Variants in GGA1 observed in about 807,000 individuals in gnomAD.
GGA1 encodes the protein golgi associated, gamma adaptin ear containing, ARF binding protein 1.
Under a neutral mutation model 76.9 loss-of-function variants are expected in GGA1, and 18 were observed. That is an observed-to-expected ratio of 0.23 (90% CI 0.16 to 0.35). The LOEUF is 0.35. Among genes scored for constraint, GGA1 ranks in the 10% least tolerant of loss-of-function variants. The probability of loss-of-function intolerance (pLI) is 1.00; values close to 1 mark genes in which losing one functional copy is unlikely to be tolerated. For synonymous variants in GGA1, 342 were observed against 354.7 expected, an observed-to-expected ratio of 0.96 and a Z score of 0.40; for missense variants, 755 against 859.0, an observed-to-expected ratio of 0.88 and a Z score of 1.51.
In GGA1 at chr22:37,624,993, A is replaced by C; in HGVS notation, c.857A>C (p.Asn286Thr). 1 of 1,595,330 alleles carries C rather than the reference A, an allele frequency of 6.3e-7. No homozygotes were observed. Among genetic ancestry groups the C allele is most frequent in the South Asian group, 1.1e-5 (1 of 88,124 alleles). ...ALAEILQAND[N>T]LTQVINLYKQ... ...GCGGAGATCCTGCAGGCCAATGACA[A>C]CCTCACCCAGGTGATCAACCTGTAT... Residue 286 changes from asparagine (N) to threonine (T), a missense_variant, in exon 10 of 17, where the codon AAC becomes ACC. Asn to Thr is a moderately conservative substitution (Grantham distance 65). Transcript: ENST00000343632. This position sits in a 1 kb window ranked among gnomAD's most constrained non-coding sequence, Gnocchi z 4.3.
chr22:37,632,748 C>A lies in GGA1; in HGVS notation c.*37C>A. On this transcript the variant is annotated 3_prime_UTR_variant, in exon 17 of 17. Coordinates refer to ENST00000343632, the MANE Select transcript of GGA1 (RefSeq NM_013365.5). This position sits in a 1 kb window ranked among gnomAD's most constrained non-coding sequence, Gnocchi z 5.1. The stretch of plus-strand genomic sequence containing the variant: ...TGGGGAGAGGAAGGGGCAGAGGGAC[C>A]GGTCACTGTCCAGCCTGGAGGGAGG... The A allele has an allele frequency of 8.1e-7, 1 of 1,231,966 alleles. No individual in the cohort carries two copies. The highest frequency in any genetic ancestry group is 1.2e-6 in the Non-Finnish European group (1 of 851,322). The allele number at this position is 1,231,966 out of a possible 1,614,324, so 76.3% of individuals were successfully genotyped here.
rs1213978444 is a variant in GGA1, at chr22:37,633,428, CTTCA to C, written c.*724_*727del. 6.6e-6 allele frequency: 1 copy of C among 151,996 alleles called. No individual in the cohort carries two copies. Among genetic ancestry groups the C allele is most frequent in the Non-Finnish European group, 1.5e-5 (1 of 68,002 alleles). The allele number at this position is 151,996 out of a possible 1,614,324, so 9.4% of individuals were successfully genotyped here. A position where few individuals can be genotyped will look rare whatever the true frequency, so the allele number is the denominator to read the frequency against. ...GCACCTAGAGTTCTCGGTGTGTCTCCTTCATTCATTGGCCTCTGCTGGGGCCTCC... is the reference window on the plus strand; with the variant it reads ...GCACCTAGAGTTCTCGGTGTGTCTCCTTCATTGGCCTCTGCTGGGGCCTCC... On this transcript the variant is annotated 3_prime_UTR_variant, in exon 17 of 17. Transcript: ENST00000343632.
At chr22:37,629,760 AT>A (rs1188639884) in intron 12 of GGA1, among the ~76,000 whole-genome samples, 1 of 152,142 alleles carries the variant, frequency 6.6e-6, no homozygotes, top group Admixed American at 6.5e-5. Flanking sequence ...TGGGATTGGG[AT>A]TGAGATGGGC....
intron 11 of GGA1, among the ~76,000 whole-genome samples, chr22:37,628,141 A>C (rs1931177413): frequency 6.6e-6 from 1 of 152,090 alleles, no homozygotes. Context: ...TTTGGTTTTG[A>C]GATGGGGGTC....
Position 37,621,675 on chromosome 22 carries a change from C to T in GGA1, c.588C>T (p.Leu196=), listed in dbSNP as rs138483740. ...AAGACCTCCGCGCAGCCAATAAGCT[C>T]ATCAAAGAGATGGTGCAGGAGGTAG... ...HPEDLRAANK[L]IKEMVQEDQK... is the part of the protein sequence containing the mutation. Residue 196 remains leucine, a synonymous_variant, in exon 7 of 17, where the codon CTC becomes CTT. Transcript: ENST00000343632. 6.1e-3 allele frequency: 9,426 copies of T among 1,556,112 alleles called. 43 individuals are homozygous for T. Among genetic ancestry groups the T allele is most frequent in the Non-Finnish European group, 6.4e-3 (7,307 of 1,149,128 alleles).
chr22:37,617,332 C>T, intron 3 of GGA1: 1 of 1,223,272 alleles, frequency 8.2e-7, no homozygotes. Flanking sequence ...CTGCCGAGGC[C>T]ACACTCCTGG....
At position 37,623,738 on chromosome 22, in the gene GGA1, C is replaced by T. The variant is rs372085874; in HGVS notation, c.832+105C>T. The stretch of plus-strand genomic sequence containing the variant: ...AGTATCTGCAGTTGGAAGGAGCCAC[C>T]ACCAGGGGGCCCCCTTCTCCAGCAC... On this transcript the variant is annotated intron_variant, in intron 9 of 16. Transcript: ENST00000343632. This position sits in a 1 kb window ranked among gnomAD's most constrained non-coding sequence, Gnocchi z 4.6. 20 of 832,090 alleles carry T rather than the reference C, an allele frequency of 2.4e-5. No individual in the cohort carries two copies. Among genetic ancestry groups the T allele is most frequent in the Admixed American group, 1.1e-4 (5 of 43,962 alleles). 51.5% of individuals were successfully genotyped at this position (832,090 alleles called of 1,614,324 possible).
intron 1 of GGA1, chr22:37,613,022 A>G (rs1928027093): frequency 4.1e-6 from 4 of 985,308 alleles, no homozygotes; most frequent in Non-Finnish European, 4.8e-6. Context: ...TCATTTGCCA[A>G]GGGGAGACAG....
chr22:37,619,184 A>C (rs886115041), intron 4 of GGA1, among the ~76,000 whole-genome samples: 1 of 145,228 alleles, frequency 6.9e-6, no homozygotes, highest in South Asian at 2.2e-4. Context: ...TCCTGCCTCA[A>C]CCTCCCAAGT....
chr22:37,622,023 T>C (rs116220421), intron 7 of GGA1, among the ~76,000 whole-genome samples: 5,463 of 151,308 alleles, frequency 0.036, 322 homozygotes, highest in African/African-American at 0.13. Context: ...TTTAAAATTA[T>C]TTTTTAGTAT....
chr22:37,617,064 G>A (rs1230598615), intron 3 of GGA1, 67 bp downstream of exon 3: 32 of 1,554,076 alleles, frequency 2.1e-5, no homozygotes, highest in Non-Finnish European at 2.7e-5. Flanking sequence ...CCAAGACTGA[G>A]GTTCTTGGGG....
At position 37,632,529 on chromosome 22, in the gene GGA1, A is replaced by G. The variant is rs1328734432; in HGVS notation, c.1809+14A>G. On this transcript the variant is annotated intron_variant, in intron 16 of 16. Coordinates refer to ENST00000343632, the MANE Select transcript of GGA1 (RefSeq NM_013365.5). This position sits in a 1 kb window ranked among gnomAD's most constrained non-coding sequence, Gnocchi z 5.1. Reference sequence around the variant, plus strand: ...AACCCCCAGAAGGTAAGGGGCCCCCAGGCAGTGCTGCAGGGTGGGGACGGC... The same window carrying G: ...AACCCCCAGAAGGTAAGGGGCCCCCGGGCAGTGCTGCAGGGTGGGGACGGC... The G allele has an allele frequency of 3.1e-6, 5 of 1,597,600 alleles. No homozygotes were observed. Among genetic ancestry groups the G allele is most frequent in the Non-Finnish European group, 3.4e-6 (4 of 1,165,222 alleles).
intron 4 of GGA1, chr22:37,619,932 G>A (rs1288190174): frequency 7.4e-6 from 5 of 677,952 alleles, no homozygotes; most frequent in Non-Finnish European, 1.4e-5. Flanking sequence ...TCTTTCCTGG[G>A]ATGTCAAGGC....
chr22:37,629,954 C>T (rs1931497031), intron 12 of GGA1, 44 bp from the exon 13 acceptor site: 1 of 1,350,052 alleles, frequency 7.4e-7, no homozygotes, highest in Non-Finnish European at 1.0e-6. Context: ...GATGCTGACA[C>T]CTCTCTAGAC....
intron 2 of GGA1, among the ~76,000 whole-genome samples, 159 bp from the exon 3 acceptor site, chr22:37,616,763 G>C (rs1301472786): frequency 6.6e-6 from 1 of 152,162 alleles, no homozygotes; most frequent in Non-Finnish European, 1.5e-5. Context: ...AGAAACCTTA[G>C]AGGGCTGAAG....
At position 37,624,921 on chromosome 22, in the gene GGA1, G is replaced by T; in HGVS notation, c.833-48G>T. The T allele has an allele frequency of 6.5e-7, 1 of 1,542,398 alleles. No homozygotes were observed. ...GGGTCCTCGTCCCCTGCCGCCCAGA[G>T]GCCCCCACAGTCCTTCAGCCTGGCC... On this transcript the variant is annotated intron_variant, in intron 9 of 16. Coordinates refer to ENST00000343632, the MANE Select transcript of GGA1 (RefSeq NM_013365.5). The surrounding 1 kb of genome is among the most constrained non-coding windows in gnomAD (Gnocchi z 4.3).
chr22:37,629,281 C>T (rs544117115), intron 11 of GGA1, among the ~76,000 whole-genome samples, 181 bp from the exon 12 acceptor site: 76 of 152,248 alleles, frequency 5.0e-4, no homozygotes, highest in African/African-American at 1.7e-3. Flanking sequence ...AAGGGGTTGC[C>T]GGGATCTTGG....
rs373809151 is a variant in GGA1 at position 37,623,517 on chromosome 22, C to G, written c.751-35C>G. On this transcript the variant is annotated intron_variant, in intron 8 of 16. Transcript: ENST00000343632. The surrounding 1 kb of genome is among the most constrained non-coding windows in gnomAD (Gnocchi z 4.6). ...CACTCCCTGCCCACTCCACAGCCCA[C>G]GCGGACCCTGACCCGCCCATCCTGC... The G allele has an allele frequency of 1.2e-6, 2 of 1,612,570 alleles. No homozygotes were observed. The highest frequency in any genetic ancestry group is 1.7e-6 in the Non-Finnish European group (2 of 1,178,854).
At position 37,618,455 on chromosome 22, in the gene GGA1, A is replaced by C. The variant is rs1275694861; in HGVS notation, c.212A>C (p.Glu71Ala). The C allele has an allele frequency of 1.9e-6, 3 of 1,601,788 alleles. No homozygotes were observed. Among genetic ancestry groups the C allele is most frequent in the Non-Finnish European group, 2.6e-6 (3 of 1,168,946 alleles). Residue 71 changes from glutamate (E) to alanine (A), a missense_variant, in exon 4 of 17, where the codon GAA (glutamate) becomes GCA (alanine). Coordinates refer to ENST00000343632, the MANE Select transcript of GGA1 (RefSeq NM_013365.5). ...TCCCCCCTCCCTGCACAGGTGCTGG[A>C]AACATGCATGAAGAGCTGCGGCAAG... is the stretch of plus-strand genomic sequence containing the variant. ...WEAIQALTVL[E>A]TCMKSCGKRF...
Sources: gnomAD v4.1 joint callset for allele counts (sites outside exome capture counted in the v4.1 genomes callset) on GRCh38, gnomAD v4.1.1 for gene constraint, Gnocchi (gnomAD v3.1) non-coding constraint, MANE v1.5 for transcripts, NCBI Gene and HGNC (gene_info 2026-07-23, HGNC 2026-07-21) for gene names.